DCTN6: variants seen among roughly 807,000 people sequenced by gnomAD.
DCTN6 encodes the protein dynactin 6.
Under a neutral mutation model 25.8 loss-of-function variants are expected in DCTN6, and 15 were observed. That is an observed-to-expected ratio of 0.58 (90% confidence interval 0.39 to 0.89). DCTN6 has a LOEUF of 0.89. Among genes scored for constraint, DCTN6 ranks in the 40% least tolerant of loss-of-function variants. The pLI is 0.00. For synonymous variants in DCTN6, 64 were observed against 78.3 expected (o/e 0.82, Z 0.96); for missense variants, 198 against 237.6 (o/e 0.83, Z 1.09).
intron 2 of DCTN6, among the ~76,000 whole-genome samples, chr8:30,171,975 G>C (rs1210921638): frequency 6.6e-6 from 1 of 152,170 alleles, no homozygotes; most frequent in East Asian, 1.9e-4. Context: ...TCTAGACAAG[G>C]GGGGTGGGGC....
At chr8:30,179,949 GA>G (rs549970089) in intron 5 of DCTN6, among the ~76,000 whole-genome samples, 1 of 152,164 alleles carries the variant, frequency 6.6e-6, no homozygotes, top group Non-Finnish European at 1.5e-5. Flanking sequence ...CCAAGGTCCA[GA>G]AAAAACCTGA....
At chr8:30,174,055 G>C (rs1028203710) in intron 2 of DCTN6, among the ~76,000 whole-genome samples, 17 of 152,202 alleles carry the variant, frequency 1.1e-4, no homozygotes, top group Admixed American at 2.0e-4. Context: ...GGTGAAGTGG[G>C]AGTAATGAGG....
At chr8:30,171,553 C>G (rs1241687593) in intron 2 of DCTN6, among the ~76,000 whole-genome samples, 1 of 152,176 alleles carries the variant, frequency 6.6e-6, no homozygotes, top group Non-Finnish European at 1.5e-5. Context: ...CCATTGTGCT[C>G]AGCCCCATAT....
At chr8:30,167,032 AAGGG>A (rs1272639832) in intron 2 of DCTN6, among the ~76,000 whole-genome samples, 6 of 149,330 alleles carry the variant, frequency 4.0e-5, no homozygotes, top group South Asian at 2.2e-4. Flanking sequence ...AAGGAGAGGA[AAGGG>A]AGGGAGGGAG....
At chr8:30,182,929 T>C in intron 6 of DCTN6, 146 bp from the exon 7 acceptor site, 1 of 648,560 alleles carries the variant, frequency 1.5e-6, no homozygotes, top group Admixed American at 2.8e-5. Context: ...GCTCAGGCTG[T>C]TCTGGAACTC....
chr8:30,158,813 A>G (rs1346917106), intron 1 of DCTN6, among the ~76,000 whole-genome samples: 5 of 111,430 alleles, frequency 4.5e-5, no homozygotes, highest in African/African-American at 1.4e-4. Flanking sequence ...ACGGAGTCTC[A>G]CTCTGTTGCC....
intron 2 of DCTN6, among the ~76,000 whole-genome samples, chr8:30,173,953 G>A (rs1803797436): frequency 6.6e-6 from 1 of 152,106 alleles, no homozygotes; most frequent in African/African-American, 2.4e-5. Context: ...CTCATCAGTG[G>A]TTTCATTATC....
chr8:30,175,117 A>G lies in DCTN6; in HGVS notation c.121A>G (p.Ile41Val). Residue 41 changes from isoleucine to valine, a missense_variant, in exon 3 of 7, where the codon ATT becomes GTT. Transcript: ENST00000221114. ...PRTVIHPKARIIAEAGPIVIG... is the reference protein window; with the variant it reads ...PRTVIHPKARVIAEAGPIVIG... ...GACAGTGATCCACCCTAAAGCAAGA[A>G]TTATTGCGGAAGCCGGGCCAATAGT... The G allele has an allele frequency of 6.2e-7, 1 of 1,614,152 alleles. No homozygotes were observed. The highest frequency in any genetic ancestry group is 1.1e-5 in the South Asian group (1 of 91,084).
chr8:30,156,752 G>T (rs1485102470), intron 1 of DCTN6, among the ~76,000 whole-genome samples: 1 of 152,310 alleles, frequency 6.6e-6, no homozygotes, highest in East Asian at 1.9e-4. Context: ...CCCTTCTCCC[G>T]CATAATCGGC....
intron 1 of DCTN6, among the ~76,000 whole-genome samples, chr8:30,156,663 G>A (rs1803529385): frequency 6.6e-6 from 1 of 151,664 alleles, no homozygotes. Context: ...CGCCTGCGCA[G>A]AGGGGGTCTC....
At chr8:30,167,464 G>C (rs2117583606) in intron 2 of DCTN6, among the ~76,000 whole-genome samples, 1 of 152,208 alleles carries the variant, frequency 6.6e-6, no homozygotes, top group Middle Eastern at 3.4e-3. Context: ...TCCCACCTCA[G>C]CCTCCCAAGT....
At chr8:30,175,011 C>A in intron 2 of DCTN6, 74 bp from the exon 3 acceptor site, 2 of 1,419,880 alleles carry the variant, frequency 1.4e-6, no homozygotes, top group East Asian at 2.4e-5. Flanking sequence ...CCTCACCCAT[C>A]CTCAGTCACC....
intron 1 of DCTN6, among the ~76,000 whole-genome samples, chr8:30,163,155 G>T (rs1369911307): frequency 1.3e-5 from 2 of 152,184 alleles, no homozygotes; most frequent in Admixed American, 6.5e-5. Flanking sequence ...AAATTAGCCA[G>T]GTGTGGTGGC....
intron 1 of DCTN6, among the ~76,000 whole-genome samples, chr8:30,161,656 G>A (rs1803597165): frequency 6.6e-6 from 1 of 152,152 alleles, no homozygotes; most frequent in South Asian, 2.1e-4. Flanking sequence ...TGGGAGGGGG[G>A]AAGAGGTTTT....
At chr8:30,159,981 T>G (rs1803576986) in intron 1 of DCTN6, among the ~76,000 whole-genome samples, 1 of 152,088 alleles carries the variant, frequency 6.6e-6, no homozygotes, top group Admixed American at 6.6e-5. Context: ...AGGCTGGTTT[T>G]GGTTGTTTTT....
chr8:30,156,866 C>G (rs367757278), intron 1 of DCTN6, among the ~76,000 whole-genome samples: 2 of 152,198 alleles, frequency 1.3e-5, no homozygotes, highest in African/African-American at 2.4e-5. Flanking sequence ...CTTCCTGTCT[C>G]TGGAGGGTGG....
chr8:30,182,119 G>A (rs186424531), intron 6 of DCTN6, among the ~76,000 whole-genome samples: 1,832 of 152,228 alleles, frequency 0.012, 24 homozygotes, highest in Non-Finnish European at 0.016. Context: ...TGAAGCTTGT[G>A]TTGGGGAAGG....
At chr8:30,180,908 C>T (rs908642335) in intron 6 of DCTN6, 1 of 451,804 alleles carries the variant, frequency 2.2e-6, no homozygotes, top group Non-Finnish European at 3.9e-6. Context: ...TGGGGCATGA[C>T]TATAGTCCAG....
chr8:30,176,835 C>G lies in DCTN6; in HGVS notation c.195-291C>G, dbSNP rs951818412. ...CACAAAAATACAAAAATTAGCCAGG[C>G]CTAGTGGCACGTGCCTGTAGTCCCA... On this transcript the variant is annotated intron_variant, in intron 3 of 6. Transcript: ENST00000221114. 6.8e-5 allele frequency: 18 copies of G among 265,872 alleles called. No individual in the cohort carries two copies. The East Asian group carries it at 1.7e-3, about 25-fold the overall frequency. The allele number at this position is 265,872 out of a possible 1,614,324, so 16.5% of individuals were successfully genotyped here.
Sources: gnomAD v4.1 joint callset for allele counts (sites outside exome capture counted in the v4.1 genomes callset) on GRCh38, gnomAD v4.1.1 for gene constraint, MANE v1.5 for transcripts, NCBI Gene and HGNC (gene_info 2026-07-23, HGNC 2026-07-21) for gene names.